The following LRGUK variants were observed in gnomAD, a reference collection of about 807,000 sequenced individuals.
The protein encoded by LRGUK is leucine-rich repeat and guanylate kinase domain-containing protein.
LRGUK carries 65 observed loss-of-function variants against 76.0 expected under a neutral mutation model. That is an observed-to-expected ratio of 0.85 (90% confidence interval 0.70 to 1.05). LRGUK has a LOEUF of 1.05. LRGUK is among the 50% of genes least tolerant of loss of function. The probability of loss-of-function intolerance (pLI) is 0.00; values close to 1 mark genes in which losing one functional copy is unlikely to be tolerated. For missense variants in LRGUK, 758 were observed against 732.8 expected (o/e 1.03, Z -0.40); for synonymous variants, 268 against 265.6 (o/e 1.01, Z -0.09).
chr7:134,190,786 G>A (rs1393668477), intron 11 of LRGUK, among the ~76,000 whole-genome samples: 1 of 119,382 alleles, frequency 8.4e-6, no homozygotes, highest in Non-Finnish European at 1.9e-5. Flanking sequence ...CAAGCATTGG[G>A]AATGCAGTGG....
intron 7 of LRGUK, among the ~76,000 whole-genome samples, chr7:134,166,141 A>G (rs1283861948): frequency 1.3e-5 from 2 of 151,742 alleles, no homozygotes; most frequent in African/African-American, 4.8e-5. Context: ...TGGAAAATTT[A>G]TCATTTAGCA....
chr7:134,199,796 CTACTCAA>C (rs1228448949), intron 14 of LRGUK, among the ~76,000 whole-genome samples: 2 of 151,318 alleles, frequency 1.3e-5, no homozygotes, highest in South Asian at 4.2e-4. Context: ...AAAAACCCAA[CTACTCAA>C]AATATTATAA....
intron 12 of LRGUK, among the ~76,000 whole-genome samples, chr7:134,196,741 A>G (rs1356457988): frequency 6.6e-6 from 1 of 152,178 alleles, no homozygotes; most frequent in Non-Finnish European, 1.5e-5. Context: ...CAGTGCCTTA[A>G]CACTCCTCAA....
intron 16 of LRGUK, among the ~76,000 whole-genome samples, chr7:134,225,286 G>A (rs927886986): frequency 6.6e-6 from 1 of 152,092 alleles, no homozygotes; most frequent in African/African-American, 2.4e-5. Flanking sequence ...TGATTGGTGG[G>A]GGAAAGGACC....
At chr7:134,241,367 G>A (rs191127167) in intron 16 of LRGUK, among the ~76,000 whole-genome samples, 3 of 152,172 alleles carry the variant, frequency 2.0e-5, no homozygotes, top group African/African-American at 7.2e-5. Flanking sequence ...GATCTACCAA[G>A]CAAATGGAAA....
At chr7:134,148,310 A>G in exon 5 of LRGUK, 1 of 1,578,814 alleles carries the variant, frequency 6.3e-7, no homozygotes, top group Non-Finnish European at 8.6e-7. Flanking sequence ...CACTAAACTA[A>G]TTTTGGATGG....
At chr7:134,267,500 A>T (rs1802876550), downstream of LRGUK, among the ~76,000 whole-genome samples, 1 of 152,128 alleles carries the variant, frequency 6.6e-6, no homozygotes. Flanking sequence ...GTGTTGTGGG[A>T]GGGACCTGGT....
intron 18 of LRGUK, 62 bp from the exon 19 acceptor site, chr7:134,258,195 T>C: frequency 6.3e-7 from 1 of 1,599,280 alleles, no homozygotes; most frequent in Admixed American, 1.7e-5. Context: ...GCATAGATCG[T>C]GTGGCCATTA....
chr7:134,231,654 T>C (rs1474573310), intron 16 of LRGUK, among the ~76,000 whole-genome samples: 1 of 92,170 alleles, frequency 1.1e-5, no homozygotes, highest in South Asian at 4.9e-4. Flanking sequence ...CTCCCTTCCT[T>C]CCTCCCTCCG....
chr7:134,163,647 A>C, intron 7 of LRGUK, 107 bp downstream of exon 7: 1 of 971,060 alleles, frequency 1.0e-6, no homozygotes, highest in Non-Finnish European at 1.4e-6. Flanking sequence ...GGACACATTA[A>C]ATGTCAGCTT....
downstream of LRGUK, among the ~76,000 whole-genome samples, chr7:134,212,855 G>A (rs1585565198): frequency 4.6e-5 from 7 of 152,224 alleles, no homozygotes; most frequent in African/African-American, 2.4e-5. Context: ...GCAGCTGAAG[G>A]CCCCACAGCG....
At chr7:134,210,498 G>A (rs936798233), downstream of LRGUK, among the ~76,000 whole-genome samples, 1 of 152,104 alleles carries the variant, frequency 6.6e-6, no homozygotes, top group African/African-American at 2.4e-5. Flanking sequence ...ATTTTTGGAG[G>A]GTTATCTCAA....
the LRGUK span, among the ~76,000 whole-genome samples, chr7:134,274,053 T>C: frequency 1.3e-5 from 2 of 152,218 alleles, no homozygotes. Flanking sequence ...CACTGTCCAA[T>C]AGAGCTTTCT....
At chr7:134,223,340 G>A (rs1192248478) in intron 16 of LRGUK, among the ~76,000 whole-genome samples, 1 of 152,224 alleles carries the variant, frequency 6.6e-6, no homozygotes, top group East Asian at 1.9e-4. Flanking sequence ...AAGCCATGCT[G>A]TGGTGGTCAT....
chr7:134,210,042 C>A lies in LRGUK; in HGVS notation c.3179C>A (p.Ser1060Ter), dbSNP rs1313954378. 1.0e-5 allele frequency: 4 copies of A among 399,834 alleles called. No homozygotes were observed. The highest frequency in any genetic ancestry group is 1.8e-5 in the Non-Finnish European group (4 of 226,770). The allele number at this position is 399,834 out of a possible 1,614,324, so 24.8% of individuals were successfully genotyped here. A position where few individuals can be genotyped will look rare whatever the true frequency, so the allele number is the denominator to read the frequency against. ...AGGAAGATTCCAGACATGCGGGCCT[C>A]ACCCCACAACCAGGGGCCACTTCAG... Residue 1060 changes from serine (S) to a stop codon, truncating the protein, a stop_gained, in exon 16 of 16, where the codon TCA (serine) becomes TAA (stop). Transcript: ENST00000645682. LOFTEE classifies it low-confidence loss of function (END_TRUNC).
At position 134,258,416 on chromosome 7, in the gene LRGUK, G is replaced by T; in HGVS notation, c.2347+11G>T. On this transcript the variant is annotated intron_variant, in intron 19 of 19. Coordinates refer to the LRGUK transcript ENST00000285928. ...AAGAGACCCGGAAAGGTATGAGTTAGGCCAAGCGCGGTGGCTCATGCCTGT... is the reference window on the plus strand; with the variant it reads ...AAGAGACCCGGAAAGGTATGAGTTATGCCAAGCGCGGTGGCTCATGCCTGT... 6.2e-7 allele frequency: 1 copy of T among 1,612,196 alleles called. No individual in the cohort carries two copies.
At chr7:134,212,828 A>G (rs1372846886), downstream of LRGUK, among the ~76,000 whole-genome samples, 1 of 152,204 alleles carries the variant, frequency 6.6e-6, no homozygotes, top group Non-Finnish European at 1.5e-5. Flanking sequence ...TTATATTAAT[A>G]ACACCATGTG....
In LRGUK at chr7:134,229,375, A is replaced by AATCTATCTATCTATCT. The variant is rs3030442; in HGVS notation, c.1983+7484_1983+7499dup. Reference sequence around the variant, plus strand: ...GAGACTCCATCTCAAAAAAAAAAAAAATCTATCTATCTATCTATCTATCTA... The same window carrying AATCTATCTATCTATCT: ...GAGACTCCATCTCAAAAAAAAAAAAAATCTATCTATCTATCTATCTATCTATCTATCTATCTATCTA... On this transcript the variant is annotated intron_variant, in intron 16 of 19. Coordinates refer to the LRGUK transcript ENST00000285928. Among the ~76,000 whole-genome samples the AATCTATCTATCTATCT allele has an allele frequency of 3.7e-4, 54 of 147,562 alleles. 1 individual carries two copies. The highest frequency in any genetic ancestry group is 5.5e-4 in the African/African-American group (22 of 39,960).
At chr7:134,138,187 C>T (rs914241435) in intron 2 of LRGUK, among the ~76,000 whole-genome samples, 73 of 152,198 alleles carry the variant, frequency 4.8e-4, no homozygotes, top group Admixed American at 4.6e-3. Flanking sequence ...CACACAAGCC[C>T]CTTTCAATCA....
Sources: allele counts gnomAD v4.1 joint callset (sites outside exome capture counted in the v4.1 genomes callset), GRCh38; gene constraint gnomAD v4.1.1; transcripts MANE v1.5; gene names NCBI Gene and HGNC (gene_info 2026-07-23, HGNC 2026-07-21).